Variants in ANK3 observed in about 807,000 individuals in gnomAD.
ANK3 encodes ankyrin-3.
ANK3 carries 57 observed loss-of-function variants against 370.9 expected under a neutral mutation model. That is an observed-to-expected ratio of 0.15 (90% confidence interval 0.12 to 0.19). The LOEUF (loss-of-function observed/expected upper bound fraction) is 0.19, where lower values mean the gene tolerates loss of function less well. ANK3 is among the 10% of genes least tolerant of loss of function. ANK3 has a pLI of 1.00. For synonymous variants in ANK3, 1,929 were observed against 1,946.3 expected (o/e 0.99, Z 0.23); for missense variants, 4,439 against 5,302.1 (o/e 0.84, Z 5.06).
chr10:60,455,014 G>A (rs529136391), intron 2 of ANK3, among the ~76,000 whole-genome samples: 1 of 152,268 alleles, frequency 6.6e-6, no homozygotes, highest in African/African-American at 2.4e-5. Context: ...TTGGTGTGGT[G>A]TGCCCAAACA....
intron 1 of ANK3, among the ~76,000 whole-genome samples, chr10:60,311,674 A>G (rs2046385535): frequency 6.6e-6 from 1 of 152,150 alleles, no homozygotes; most frequent in Non-Finnish European, 1.5e-5. Flanking sequence ...GACTTCTTAT[A>G]TATTCCTCCT....
intron 2 of ANK3, among the ~76,000 whole-genome samples, chr10:60,590,663 T>C (rs2077896297): frequency 6.6e-6 from 1 of 152,242 alleles, no homozygotes; most frequent in Non-Finnish European, 1.5e-5. Context: ...TTTGTGGCCA[T>C]TTAGTAGACA....
chr10:60,230,691 C>T (rs566188713), intron 8 of ANK3, among the ~76,000 whole-genome samples: 1 of 152,222 alleles, frequency 6.6e-6, no homozygotes, highest in Admixed American at 6.5e-5. Flanking sequence ...GAGATCAAGA[C>T]CATCCTGGCT....
At chr10:60,337,239 T>C (rs1029841931) in intron 1 of ANK3, among the ~76,000 whole-genome samples, 2 of 151,988 alleles carry the variant, frequency 1.3e-5, no homozygotes, top group Admixed American at 1.3e-4. Flanking sequence ...AAAATACTAG[T>C]TCCCCAGCCC....
chr10:60,096,523 CG>C (rs1157954952), intron 28 of ANK3, among the ~76,000 whole-genome samples: 6 of 152,204 alleles, frequency 3.9e-5, no homozygotes, highest in Middle Eastern at 3.2e-3. Context: ...AAGAAACAAT[CG>C]TACTACATGT....
chr10:60,595,418 C>A (rs991218484), intron 2 of ANK3, among the ~76,000 whole-genome samples: 6 of 152,150 alleles, frequency 3.9e-5, no homozygotes, highest in Admixed American at 3.9e-4. Context: ...GAGCTGTCTT[C>A]TTGCACTGAG....
At position 60,073,840 on chromosome 10, in the gene ANK3, A is replaced by C. The variant is rs1461316291; in HGVS notation, c.7041T>G (p.Ile2347Met). The part of the protein sequence containing the change: ...GNQAEPTEVI[I>M]RETKKHPEKE... ...TTTCTGGATGCTTTTTGGTTTCTCT[A>C]ATAATGACTTCAGTGGGCTCAGCTT... The change falls in exon 37 of 44, where the codon ATT becomes ATG. Residue 2347 changes from isoleucine to methionine, a missense_variant. Coordinates refer to ENST00000280772, the MANE Select transcript of ANK3 (RefSeq NM_020987.5). 1 of 1,613,514 alleles carries C rather than the reference A, an allele frequency of 6.2e-7. No individual in the cohort carries two copies. Among genetic ancestry groups the C allele is most frequent in the African/African-American group, 1.3e-5 (1 of 74,908 alleles).
chr10:60,063,894 C>G (rs2081113339), intron 39 of ANK3, among the ~76,000 whole-genome samples: 1 of 152,176 alleles, frequency 6.6e-6, no homozygotes. Context: ...TTTATGGTCA[C>G]AGAGAGAATG....
intron 25 of ANK3, among the ~76,000 whole-genome samples, chr10:60,116,432 C>A (rs1353188428): frequency 6.6e-6 from 1 of 151,940 alleles, no homozygotes; most frequent in Non-Finnish European, 1.5e-5. Context: ...CACTAGACTG[C>A]TGAAAAAAGC....
chr10:60,068,099 A>AGACT, intron 37 of ANK3, 90 bp from the exon 38 acceptor site: 1 of 1,134,066 alleles, frequency 8.8e-7, no homozygotes. Context: ...TTTTACAGAG[A>AGACT]GACTAATGCT....
In ANK3 at chr10:60,043,810, C is replaced by A; in HGVS notation, c.13066-1051G>T. 3 of 985,298 alleles carry A rather than the reference C, an allele frequency of 3.0e-6. No individual in the cohort carries two copies. In the African/African-American group the frequency reaches 5.2e-5, roughly 17 times the overall value. The allele number at this position is 985,298 out of a possible 1,614,324, so 61.0% of individuals were successfully genotyped here. On this transcript the variant is annotated intron_variant, in intron 42 of 43. Coordinates refer to ENST00000280772, the MANE Select transcript of ANK3 (RefSeq NM_020987.5). ...GAATGGTGAAGGTTTTATCTTCTTT[C>A]TCCCTCAAACTGGCACATTCTGTCC...
chr10:60,581,610 T>G (rs532823692), intron 2 of ANK3, among the ~76,000 whole-genome samples: 1 of 151,240 alleles, frequency 6.6e-6, no homozygotes, highest in Non-Finnish European at 1.5e-5. Flanking sequence ...TTTTTTTTTT[T>G]GTAGTTTTTA....
At chr10:60,234,965 A>G (rs2097306194) in intron 7 of ANK3, among the ~76,000 whole-genome samples, 179 bp from the exon 8 acceptor site, 2 of 152,204 alleles carry the variant, frequency 1.3e-5, no homozygotes, top group South Asian at 4.1e-4. Context: ...TTTAAAAAGG[A>G]ATGAATTGTA....
At chr10:60,283,221 T>C (rs908572404) in intron 1 of ANK3, among the ~76,000 whole-genome samples, 1 of 152,194 alleles carries the variant, frequency 6.6e-6, no homozygotes, top group Non-Finnish European at 1.5e-5. Flanking sequence ...GCTGTTTATA[T>C]CCTTCGTGTA....
chr10:60,608,058 T>C (rs1299351678), intron 2 of ANK3, among the ~76,000 whole-genome samples: 2 of 152,142 alleles, frequency 1.3e-5, no homozygotes, highest in East Asian at 1.9e-4. Context: ...GGGGCATGAT[T>C]TGGGGACTCA....
intron 1 of ANK3, among the ~76,000 whole-genome samples, chr10:60,725,300 G>A (rs760992948): frequency 6.6e-6 from 1 of 152,044 alleles, no homozygotes; most frequent in African/African-American, 2.4e-5. Context: ...CCCAAGCAAT[G>A]CTCACTCAGT....
At chr10:60,436,212 A>G (rs1595030901) in intron 2 of ANK3, among the ~76,000 whole-genome samples, 1 of 152,348 alleles carries the variant, frequency 6.6e-6, no homozygotes, top group Middle Eastern at 3.4e-3. Context: ...TTCTCCGTTC[A>G]TCAGTTGATG....
rs34598607 is a variant in ANK3, at chr10:60,599,043, C to T, written c.96+16143G>A. ...TCCTGGGCTCAAGCAATCCTCCCACCTGAGCCTCCTGAGTAGCTGGGACTA... is the reference window on the plus strand; with the variant it reads ...TCCTGGGCTCAAGCAATCCTCCCACTTGAGCCTCCTGAGTAGCTGGGACTA... On this transcript the variant is annotated intron_variant, in intron 2 of 43. Coordinates refer to the ANK3 transcript ENST00000373827. Among the ~76,000 whole-genome samples, 5 of 152,270 alleles carry T rather than the reference C, an allele frequency of 3.3e-5. No homozygotes were observed. In the South Asian group the frequency reaches 1.0e-3, roughly 32 times the overall value.
At chr10:60,318,627 G>T (rs911755298) in intron 1 of ANK3, among the ~76,000 whole-genome samples, 1 of 152,112 alleles carries the variant, frequency 6.6e-6, no homozygotes, top group African/African-American at 2.4e-5. Flanking sequence ...AATTGCTTTT[G>T]TGTTTCTGCA....
Sources: gnomAD v4.1 joint callset for allele counts (sites outside exome capture counted in the v4.1 genomes callset) on GRCh38, gnomAD v4.1.1 for gene constraint, MANE v1.5 for transcripts, NCBI Gene and HGNC (gene_info 2026-07-23, HGNC 2026-07-21) for gene names.